ODR4: variants seen among roughly 807,000 people sequenced by gnomAD.
The protein encoded by ODR4 is protein odr-4 homolog.
In ODR4, 47 loss-of-function variants were observed where a neutral mutation model predicts 60.2. That is an observed-to-expected ratio of 0.78 (90% CI 0.62 to 1.00). ODR4 has a LOEUF of 1.00. ODR4 is among the 50% of genes least tolerant of loss of function. The pLI is 0.00. For missense variants in ODR4, 488 were observed against 530.8 expected (o/e 0.92, Z 0.79); for synonymous variants, 178 against 175.5 (o/e 1.01, Z -0.11).
intron 4 of ODR4, among the ~76,000 whole-genome samples, chr1:186,386,819 C>T (rs1460273431): frequency 6.6e-6 from 1 of 152,126 alleles, no homozygotes; most frequent in Non-Finnish European, 1.5e-5. Context: ...GAGAGTAAAA[C>T]ATAAACAATC....
At chr1:186,386,131 T>C (rs1475292821) in intron 4 of ODR4, 48 bp downstream of exon 4, 2 of 1,059,760 alleles carry the variant, frequency 1.9e-6, no homozygotes, top group Non-Finnish European at 2.8e-6. Context: ...TTATATGTTA[T>C]TTTTACTGAT....
intron 3 of ODR4, among the ~76,000 whole-genome samples, chr1:186,385,454 C>G (rs1258258938): frequency 2.6e-5 from 4 of 151,324 alleles, no homozygotes; most frequent in African/African-American, 9.7e-5. Flanking sequence ...TGTCGGAGTT[C>G]AGAGATGAAA....
In ODR4 at chr1:186,421,219, T is replaced by C. The variant is rs1374324015; in HGVS notation, c.*2143T>C. On this transcript the variant is annotated 3_prime_UTR_variant, in exon 14 of 14. Transcript: ENST00000287859. The stretch of plus-strand genomic sequence containing the variant: ...GATGATCTTCAAGAAGGGAAATGAT[T>C]CTAAAAGGATTATCTGAAATTGAAA... 6.6e-6 allele frequency: 1 copy of C among 152,206 alleles called. No individual in the cohort carries two copies. The highest frequency in any genetic ancestry group is 1.5e-5 in the Non-Finnish European group (1 of 68,046). The allele number at this position is 152,206 out of a possible 1,614,324, so 9.4% of individuals were successfully genotyped here.
In ODR4 at chr1:186,397,941, C is replaced by T. The variant is rs111498520; in HGVS notation, c.781-372C>T. The stretch of plus-strand genomic sequence containing the variant: ...TATTGTGAACTTATTTTGCATTGCA[C>T]AACTTATATCTAGTACATCATATCT... On this transcript the variant is annotated intron_variant, in intron 9 of 13. Coordinates refer to ENST00000287859, the MANE Select transcript of ODR4 (RefSeq NM_017847.6). Among the ~76,000 whole-genome samples the T allele has an allele frequency of 8.3e-3, 1,259 of 152,252 alleles. 25 individuals are homozygous for T. Among genetic ancestry groups the T allele is most frequent in the African/African-American group, 0.029 (1,211 of 41,546 alleles).
At chr1:186,414,347 A>G (rs1486004654) in intron 12 of ODR4, among the ~76,000 whole-genome samples, 1 of 149,302 alleles carries the variant, frequency 6.7e-6, no homozygotes, top group Non-Finnish European at 1.5e-5. Context: ...ATAATTCAAT[A>G]TTAAATATAT....
At chr1:186,399,864 G>C (rs1297712436) in intron 11 of ODR4, among the ~76,000 whole-genome samples, 1 of 151,530 alleles carries the variant, frequency 6.6e-6, no homozygotes, top group African/African-American at 2.4e-5. Context: ...TGCAGCTTTT[G>C]GGAAACATAA....
intron 4 of ODR4, among the ~76,000 whole-genome samples, chr1:186,387,847 T>C (rs1357370924): frequency 6.6e-6 from 1 of 152,218 alleles, no homozygotes; most frequent in Non-Finnish European, 1.5e-5. Context: ...ATAATTCTTA[T>C]TTCTGACACA....
chr1:186,408,094 A>G (rs558499061), intron 12 of ODR4, among the ~76,000 whole-genome samples: 181 of 152,262 alleles, frequency 1.2e-3, no homozygotes, highest in Non-Finnish European at 2.2e-3. Context: ...ATACTAAATT[A>G]TCATTCCTTG....
intron 12 of ODR4, among the ~76,000 whole-genome samples, chr1:186,410,035 G>A (rs551663136): frequency 2.6e-5 from 4 of 152,212 alleles, no homozygotes; most frequent in African/African-American, 9.6e-5. Context: ...TTTCACATTA[G>A]ACTATAAGAT....
At chr1:186,404,015 C>G (rs142010103) in intron 11 of ODR4, among the ~76,000 whole-genome samples, 110 of 152,162 alleles carry the variant, frequency 7.2e-4, no homozygotes, top group Middle Eastern at 3.4e-3. Flanking sequence ...GTGCTATCAC[C>G]TATTCTAAAA....
At chr1:186,417,228 G>T (rs923549389) in intron 12 of ODR4, 7 of 275,504 alleles carry the variant, frequency 2.5e-5, no homozygotes, top group Non-Finnish European at 4.1e-5. Flanking sequence ...CTCCCAAAGT[G>T]CTGGGATTAC....
intron 12 of ODR4, among the ~76,000 whole-genome samples, chr1:186,414,428 A>G (rs1207095046): frequency 6.6e-6 from 1 of 152,094 alleles, no homozygotes; most frequent in Non-Finnish European, 1.5e-5. Context: ...TAAATTTCCT[A>G]TAGCAAACAG....
Position 186,399,995 on chromosome 1 carries a change from T to C in ODR4, c.1000+951T>C, listed in dbSNP as rs571891447. On this transcript the variant is annotated intron_variant, in intron 11 of 13. Transcript: ENST00000287859. ...TCCCCATTCTTTTTTTTTTTCTTTT[T>C]TTTTTTTTTTTTTTGAGACGGAGTT... 5.6e-4 allele frequency among the ~76,000 whole-genome samples: 80 copies of C among 142,666 alleles called. 1 individual carries two copies. In the South Asian group the frequency reaches 0.012, roughly 22 times the overall value. The allele number at this position is 142,666 out of a possible 152,430, so 93.6% of individuals were successfully genotyped here.
intron 11 of ODR4, among the ~76,000 whole-genome samples, chr1:186,402,334 A>C (rs151221972): frequency 7.1e-4 from 72 of 100,758 alleles, no homozygotes; most frequent in East Asian, 6.9e-3. Flanking sequence ...CTCTTCCTCT[A>C]CTTCCTCTCC....
chr1:186,433,603 C>T, the ODR4 span, among the ~76,000 whole-genome samples: 1 of 152,014 alleles, frequency 6.6e-6, no homozygotes, highest in Non-Finnish European at 1.5e-5. Flanking sequence ...TATTTTGAGA[C>T]AGAGTCTCAC....
intron 11 of ODR4, among the ~76,000 whole-genome samples, chr1:186,402,838 C>T (rs1661036270): frequency 6.6e-6 from 1 of 152,102 alleles, no homozygotes; most frequent in Admixed American, 6.5e-5. Context: ...AAGCAGTCCT[C>T]CCAAAGCACT....
At chr1:186,376,085 C>G (rs1659748441) in intron 1 of ODR4, 111 bp downstream of exon 1, 2 of 152,390 alleles carry the variant, frequency 1.3e-5, no homozygotes, top group African/African-American at 4.8e-5. Flanking sequence ...CACTCCGGCA[C>G]ACACTTCTGA....
intron 9 of ODR4, among the ~76,000 whole-genome samples, chr1:186,397,611 T>C (rs1660754137): frequency 6.6e-6 from 1 of 152,198 alleles, no homozygotes; most frequent in African/African-American, 2.4e-5. Flanking sequence ...TACCTTTTCC[T>C]TTGAACATCA....
rs1661769082 is a variant in ODR4 at position 186,421,362 on chromosome 1, T to G, written c.*2286T>G. Reference sequence around the variant, plus strand: ...CAAATGTAAAACTAAATAAACATTGTTATGCAACATTAATAATGTGGAATT... The same window carrying G: ...CAAATGTAAAACTAAATAAACATTGGTATGCAACATTAATAATGTGGAATT... On this transcript the variant is annotated 3_prime_UTR_variant, in exon 14 of 14. Transcript: ENST00000287859. 1 of 152,182 alleles carries G rather than the reference T, an allele frequency of 6.6e-6. No homozygotes were observed. Among genetic ancestry groups the G allele is most frequent in the African/African-American group, 2.4e-5 (1 of 41,434 alleles). 9.4% of individuals were successfully genotyped at this position (152,182 alleles called of 1,614,324 possible). A position where few individuals can be genotyped will look rare whatever the true frequency, so the allele number is the denominator to read the frequency against.
Sources: gnomAD v4.1 joint callset for allele counts (sites outside exome capture counted in the v4.1 genomes callset) on GRCh38, gnomAD v4.1.1 for gene constraint, MANE v1.5 for transcripts, NCBI Gene and HGNC (gene_info 2026-07-23, HGNC 2026-07-21) for gene names.